CNTN5: variants seen among roughly 807,000 people sequenced by gnomAD.
The protein encoded by CNTN5 is contactin 5.
CNTN5 carries 77 observed loss-of-function variants against 129.1 expected under a neutral mutation model. The ratio of observed to expected loss-of-function variants is 0.60; its 90% CI spans 0.50 to 0.72. The LOEUF (loss-of-function observed/expected upper bound fraction) is 0.72. Ranked by LOEUF, CNTN5 falls within the 30% of genes least tolerant of loss-of-function variation. The pLI is 0.00. For synonymous variants in CNTN5, 509 were observed against 465.6 expected (o/e 1.09, Z -1.20); for missense variants, 1,478 against 1,328.8 (o/e 1.11, Z -1.75).
chr11:99,600,142 G>T (rs1031019762), intron 3 of CNTN5, among the ~76,000 whole-genome samples: 1 of 152,046 alleles, frequency 6.6e-6, no homozygotes, highest in Non-Finnish European at 1.5e-5. Flanking sequence ...AAAATGTGCT[G>T]TGATGGACAC....
intron 1 of CNTN5, among the ~76,000 whole-genome samples, chr11:99,173,314 C>A (rs1165711008): frequency 6.6e-6 from 1 of 152,062 alleles, no homozygotes; most frequent in African/African-American, 2.4e-5. Flanking sequence ...CTTCTAAAAG[C>A]CTCAGGTTGA....
chr11:100,127,364 G>T (rs1293654069), intron 13 of CNTN5, among the ~76,000 whole-genome samples: 1 of 151,830 alleles, frequency 6.6e-6, no homozygotes, highest in Non-Finnish European at 1.5e-5. Flanking sequence ...TCCTTTGAAA[G>T]CAGTTATACG....
chr11:99,992,928 A>T (rs1939207363), intron 8 of CNTN5, among the ~76,000 whole-genome samples: 2 of 152,208 alleles, frequency 1.3e-5, no homozygotes, highest in Admixed American at 6.5e-5. Context: ...CTGGGGAAAG[A>T]AACGGAGACA....
At chr11:99,647,590 A>G (rs1449236639) in intron 3 of CNTN5, among the ~76,000 whole-genome samples, 1 of 151,914 alleles carries the variant, frequency 6.6e-6, no homozygotes, top group Non-Finnish European at 1.5e-5. Context: ...TTGTATTTTG[A>G]TAGAAATTGC....
At chr11:99,833,720 G>GGGGC (rs1260030840) in intron 4 of CNTN5, among the ~76,000 whole-genome samples, 5 of 152,262 alleles carry the variant, frequency 3.3e-5, no homozygotes. Context: ...ATAGGTAGAT[G>GGGGC]GGGCTTCCAG....
intron 13 of CNTN5, among the ~76,000 whole-genome samples, chr11:100,161,007 CTTCCATGTATATG>C (rs2138359854): frequency 6.6e-6 from 1 of 152,042 alleles, no homozygotes; most frequent in Non-Finnish European, 1.5e-5. Flanking sequence ...TTCAGAATAT[CTTCCATGTATATG>C]TTCCAGTCAT....
chr11:99,794,948 C>T (rs1348171923), intron 3 of CNTN5, among the ~76,000 whole-genome samples: 1 of 152,094 alleles, frequency 6.6e-6, no homozygotes, highest in South Asian at 2.1e-4. Flanking sequence ...TCTGCATTTC[C>T]TGAATTTGAA....
intron 1 of CNTN5, among the ~76,000 whole-genome samples, chr11:99,270,320 C>A (rs1382678682): frequency 6.6e-6 from 1 of 151,686 alleles, no homozygotes; most frequent in Non-Finnish European, 1.5e-5. Context: ...CCAAATTAAT[C>A]TACACCATCT....
chr11:99,860,938 G>A (rs1296796967), intron 6 of CNTN5, among the ~76,000 whole-genome samples: 1 of 131,588 alleles, frequency 7.6e-6, no homozygotes, highest in Non-Finnish European at 1.7e-5. Context: ...CATTAACATG[G>A]AATATGTCTT....
intron 1 of CNTN5, among the ~76,000 whole-genome samples, chr11:99,104,641 C>CGT (rs1555044661): frequency 0.31 from 46,800 of 151,174 alleles, 9,823 homozygotes; most frequent in African/African-American, 0.58. Flanking sequence ...CACACACACA[C>CGT]GTGTATATAT....
chr11:100,154,585 G>A lies in CNTN5; in HGVS notation c.1581-36541G>A, dbSNP rs541138868. Among the ~76,000 whole-genome samples, 135 of 152,236 alleles carry A rather than the reference G, an allele frequency of 8.9e-4. 2 individuals are homozygous for A. The highest frequency in any genetic ancestry group is 3.1e-3 in the African/African-American group (129 of 41,558). ...ATGGTATTTCTGGTTCTCGATCCTT[G>A]AGGAATCGCCACCCTGTCTTCCACA... On this transcript the variant is annotated intron_variant, in intron 13 of 24. Coordinates refer to ENST00000524871, the MANE Select transcript of CNTN5 (RefSeq NM_014361.4).
chr11:100,052,233 G>T (rs1942995839), intron 9 of CNTN5, among the ~76,000 whole-genome samples: 1 of 151,798 alleles, frequency 6.6e-6, no homozygotes, highest in African/African-American at 2.4e-5. Context: ...TTCTCATCTA[G>T]GAAAAATACA....
rs1565528297 is a variant in CNTN5 at position 99,784,795 on chromosome 11, G to GGT, written c.56-34749_56-34748insGT. Among the ~76,000 whole-genome samples the GGT allele has an allele frequency of 6.6e-4, 62 of 93,916 alleles. 4 individuals carry two copies. Among genetic ancestry groups the GGT allele is most frequent in the South Asian group, 7.8e-4 (2 of 2,550 alleles). 61.6% of individuals were successfully genotyped at this position (93,916 alleles called of 152,430 possible). On this transcript the variant is annotated intron_variant, in intron 3 of 24. Coordinates refer to ENST00000524871, the MANE Select transcript of CNTN5 (RefSeq NM_014361.4). Reference sequence around the variant, plus strand: ...CTGGTGTGAGATGGTATCTCATTGTGTTTTTTTTTTTTTTTTTTTTTTGAG... The same window carrying GGT: ...CTGGTGTGAGATGGTATCTCATTGTGGTTTTTTTTTTTTTTTTTTTTTTTGAG...
At chr11:99,517,909 C>T (rs879840288) in intron 2 of CNTN5, among the ~76,000 whole-genome samples, 1 of 152,012 alleles carries the variant, frequency 6.6e-6, no homozygotes, top group African/African-American at 2.4e-5. Context: ...TGGTAACTAG[C>T]ATATTTCTTG....
At chr11:99,964,096 A>G (rs181229560) in intron 8 of CNTN5, among the ~76,000 whole-genome samples, 4 of 152,314 alleles carry the variant, frequency 2.6e-5, no homozygotes, top group Non-Finnish European at 5.9e-5. Flanking sequence ...CAATCATGTC[A>G]TCTGCAAACA....
At chr11:99,413,726 G>A (rs1283129244) in intron 2 of CNTN5, among the ~76,000 whole-genome samples, 1 of 152,028 alleles carries the variant, frequency 6.6e-6, no homozygotes, top group Admixed American at 6.5e-5. Context: ...TTTCTCAGAA[G>A]TCTTTGTTGT....
intron 4 of CNTN5, among the ~76,000 whole-genome samples, chr11:99,832,742 C>T (rs1947183284): frequency 1.3e-5 from 2 of 152,058 alleles, no homozygotes; most frequent in Admixed American, 1.3e-4. Flanking sequence ...GAAATTGTCA[C>T]ATAAAGTATA....
At chr11:100,272,753 C>G (rs1294317053) in intron 18 of CNTN5, among the ~76,000 whole-genome samples, 1 of 152,140 alleles carries the variant, frequency 6.6e-6, no homozygotes, top group African/African-American at 2.4e-5. Context: ...TGGCCCCCAA[C>G]AGCTCTGGGG....
intron 3 of CNTN5, among the ~76,000 whole-genome samples, chr11:99,691,921 G>A (rs78108067): frequency 2.0e-5 from 3 of 151,948 alleles, no homozygotes; most frequent in Non-Finnish European, 1.5e-5. Flanking sequence ...TATGAATCTG[G>A]GTGCTCCTGT....
Sources: allele counts gnomAD v4.1 joint callset (sites outside exome capture counted in the v4.1 genomes callset), GRCh38; gene constraint gnomAD v4.1.1; transcripts MANE v1.5; gene names NCBI Gene and HGNC (gene_info 2026-07-23, HGNC 2026-07-21).